The following ANKRD36B variants were observed in gnomAD, a reference collection of about 807,000 sequenced individuals.
The protein encoded by ANKRD36B is ankyrin repeat domain 36B, also known as ankyrin repeat domain-containing protein 36B.
ANKRD36B carries 37 observed loss-of-function variants against 135.7 expected under a neutral mutation model. That is an observed-to-expected ratio of 0.27 (90% CI 0.21 to 0.36). The LOEUF (loss-of-function observed/expected upper bound fraction) is 0.36. Ranked by LOEUF, ANKRD36B falls within the 10% of genes least tolerant of loss-of-function variation. The probability of loss-of-function intolerance (pLI) is 1.00; values close to 1 mark genes in which losing one functional copy is unlikely to be tolerated. For missense variants in ANKRD36B, 549 were observed against 1,037.1 expected (o/e 0.53, Z 6.46); for synonymous variants, 179 against 348.1 (o/e 0.51, Z 5.41).
chr2:97,582,759 A>C (rs980776874), intron 3 of ANKRD36B, among the ~76,000 whole-genome samples: 14 of 152,112 alleles, frequency 9.2e-5, no homozygotes, highest in Non-Finnish European at 1.9e-4. Flanking sequence ...TCCTTTCTTT[A>C]GTTTCAGATT....
Position 97,514,903 on chromosome 2 carries a change from AT to A in ANKRD36B, c.2621+828del, listed in dbSNP as rs1290812182. On this transcript the variant is annotated intron_variant, in intron 37 of 43. Coordinates refer to ENST00000359901, the MANE Select transcript of ANKRD36B (RefSeq NM_001393939.1). ...GCATATTAAGAATAAAACTGGATACATTTTTTTTTTTTTTTTTTTGAGAGGG... is the reference window on the plus strand; with the variant it reads ...GCATATTAAGAATAAAACTGGATACATTTTTTTTTTTTTTTTTTGAGAGGG... Among the ~76,000 whole-genome samples the A allele has an allele frequency of 6.9e-3, 482 of 69,658 alleles. 10 individuals are homozygous for A. The highest frequency in any genetic ancestry group is 0.01 in the Non-Finnish European group (275 of 26,540). 45.7% of individuals were successfully genotyped at this position (69,658 alleles called of 152,430 possible).
At chr2:97,548,261 T>C (rs1325816688) in intron 20 of ANKRD36B, among the ~76,000 whole-genome samples, 3 of 151,858 alleles carry the variant, frequency 2.0e-5, no homozygotes, top group African/African-American at 4.8e-5. Flanking sequence ...ATTGATCACC[T>C]TGGACACCTG....
At position 97,533,009 on chromosome 2, in the gene ANKRD36B, G is replaced by GT. The variant is rs2078683273; in HGVS notation, c.2192-626dup. 2.1e-5 allele frequency among the ~76,000 whole-genome samples: 2 copies of GT among 96,360 alleles called. 1 individual carries two copies. Among genetic ancestry groups the GT allele is most frequent in the Non-Finnish European group, 5.5e-5 (2 of 36,350 alleles). 63.2% of individuals were successfully genotyped at this position (96,360 alleles called of 152,430 possible). The stretch of plus-strand genomic sequence containing the variant: ...GAAACAGAAAAAGTAACAGCACACT[G>GT]TTCTTTACTTCACAATAGTACCTTT... On this transcript the variant is annotated intron_variant, in intron 34 of 43. Coordinates refer to ENST00000359901, the MANE Select transcript of ANKRD36B (RefSeq NM_001393939.1).
At chr2:97,494,293 C>T (rs1386522647) in intron 43 of ANKRD36B, among the ~76,000 whole-genome samples, 1 of 80,950 alleles carries the variant, frequency 1.2e-5, no homozygotes, top group African/African-American at 4.4e-5. Context: ...GTTTGTTTGG[C>T]TCACAGTTTT....
intron 6 of ANKRD36B, among the ~76,000 whole-genome samples, chr2:97,570,590 A>G (rs970977895): frequency 1.3e-5 from 2 of 152,148 alleles, no homozygotes; most frequent in African/African-American, 4.8e-5. Flanking sequence ...GTAAGTCTCT[A>G]GTCAGACTCA....
chr2:97,564,181 T>G (rs2081264771), intron 6 of ANKRD36B, among the ~76,000 whole-genome samples: 1 of 151,964 alleles, frequency 6.6e-6, no homozygotes, highest in African/African-American at 2.4e-5. Context: ...AAAATTTAAT[T>G]CAAGTTCTTG....
intron 18 of ANKRD36B, 47 bp from the exon 19 acceptor site, chr2:97,549,661 A>G: frequency 6.2e-7 from 1 of 1,604,948 alleles, no homozygotes; most frequent in Non-Finnish European, 8.5e-7. Flanking sequence ...AAATATGACA[A>G]AGATATCCAC....
intron 20 of ANKRD36B, 130 bp from the exon 21 acceptor site, chr2:97,547,861 T>A: frequency 7.3e-7 from 1 of 1,363,746 alleles, no homozygotes; most frequent in Non-Finnish European, 1.0e-6. Flanking sequence ...GCTTCTACTT[T>A]GTGTCTGGGG....
intron 6 of ANKRD36B, among the ~76,000 whole-genome samples, chr2:97,569,809 G>C (rs1238770900): frequency 1.3e-5 from 2 of 151,956 alleles, no homozygotes; most frequent in Non-Finnish European, 2.9e-5. Flanking sequence ...ATTATAGCAA[G>C]ACGTACTCAA....
At chr2:97,496,170 T>C (rs1346171006) in intron 43 of ANKRD36B, among the ~76,000 whole-genome samples, 3 of 105,788 alleles carry the variant, frequency 2.8e-5, no homozygotes, top group African/African-American at 7.8e-5. Context: ...TTTAGTGGTC[T>C]GGATAGAAAA....
rs560455465 is a variant in ANKRD36B, at chr2:97,581,276, A to G, written c.451-708T>C. 5.2e-4 allele frequency among the ~76,000 whole-genome samples: 79 copies of G among 152,028 alleles called. 1 individual carries two copies. In the East Asian group the frequency reaches 0.014, roughly 27 times the overall value. Reference sequence around the variant, plus strand: ...TAGAGGTTTCCTCTGGGTGATACACACTTGCCTCATTCTCTTCTATCGATG... The same window carrying G: ...TAGAGGTTTCCTCTGGGTGATACACGCTTGCCTCATTCTCTTCTATCGATG... On this transcript the variant is annotated intron_variant, in intron 3 of 43. Coordinates refer to ENST00000359901, the MANE Select transcript of ANKRD36B (RefSeq NM_001393939.1).
At chr2:97,550,651 G>T (rs11688544) in intron 18 of ANKRD36B, among the ~76,000 whole-genome samples, 72,820 of 151,026 alleles carry the variant, frequency 0.48, 21,116 homozygotes, top group Non-Finnish European at 0.66. Context: ...ATGAGTCATT[G>T]TGTTTTTATG....
At chr2:97,534,422 G>A (rs2078758200) in intron 34 of ANKRD36B, among the ~76,000 whole-genome samples, 1 of 96,188 alleles carries the variant, frequency 1.0e-5, no homozygotes, top group African/African-American at 3.1e-5. Context: ...GAAGAGGAAA[G>A]CCTCTTAATT....
At chr2:97,571,632 C>T (rs1463303018) in intron 6 of ANKRD36B, among the ~76,000 whole-genome samples, 1 of 151,698 alleles carries the variant, frequency 6.6e-6, no homozygotes, top group Non-Finnish European at 1.5e-5. Context: ...GGCAACAGAG[C>T]GAGACTCAGT....
rs1336922286 is a variant in ANKRD36B, at chr2:97,528,693, T to G, written c.2265+3618A>C. Among the ~76,000 whole-genome samples, 2 of 95,580 alleles carry G rather than the reference T, an allele frequency of 2.1e-5. 1 individual carries two copies. The highest frequency in any genetic ancestry group is 4.7e-4 in the South Asian group (2 of 4,246). 62.7% of individuals were successfully genotyped at this position (95,580 alleles called of 152,430 possible). On this transcript the variant is annotated intron_variant, in intron 35 of 43. Coordinates refer to ENST00000359901, the MANE Select transcript of ANKRD36B (RefSeq NM_001393939.1). ...AAGAAGAAAAGAGAGAAGAATCAAA[T>G]AGATGCAATACAAAATGATAAAGGG...
intron 34 of ANKRD36B, among the ~76,000 whole-genome samples, chr2:97,535,488 C>A (rs1190781201): frequency 7.7e-3 from 52 of 6,748 alleles, no homozygotes; most frequent in Middle Eastern, 0.083. Flanking sequence ...AAAAATAAAA[C>A]ACACACACAC....
Position 97,532,584 on chromosome 2 carries a change from G to A in ANKRD36B, c.2192-200C>T, listed in dbSNP as rs546725237. 2.2e-4 allele frequency among the ~76,000 whole-genome samples: 21 copies of A among 95,386 alleles called. 4 individuals are homozygous for A. Among genetic ancestry groups the A allele is most frequent in the African/African-American group, 6.3e-4 (20 of 31,840 alleles). The allele number at this position is 95,386 out of a possible 152,430, so 62.6% of individuals were successfully genotyped here. A position where few individuals can be genotyped will look rare whatever the true frequency, so the allele number is the denominator to read the frequency against. The stretch of plus-strand genomic sequence containing the variant: ...AAAAAATACAAAAAATTAACTGGGC[G>A]TGGTGGCAGGTGCCTGTAGTCCCAG... On this transcript the variant is annotated intron_variant, in intron 34 of 43. Transcript: ENST00000359901.
intron 10 of ANKRD36B, 71 bp from the exon 11 acceptor site, chr2:97,557,203 G>A (rs2080610863): frequency 3.3e-6 from 5 of 1,496,278 alleles, no homozygotes; most frequent in Middle Eastern, 2.4e-4. Context: ...TTCATGCAGT[G>A]TTAGCATCAA....
chr2:97,551,695 T>C (rs937534516), intron 16 of ANKRD36B, among the ~76,000 whole-genome samples: 2 of 151,930 alleles, frequency 1.3e-5, no homozygotes, highest in African/African-American at 2.4e-5. Context: ...ATTTCAAACA[T>C]GGTATGATTT....
Sources: allele counts gnomAD v4.1 joint callset (sites outside exome capture counted in the v4.1 genomes callset), GRCh38; gene constraint gnomAD v4.1.1; transcripts MANE v1.5; gene names NCBI Gene and HGNC (gene_info 2026-07-23, HGNC 2026-07-21).